FMN1: variants seen among roughly 807,000 people sequenced by gnomAD.
FMN1 encodes formin 1, also known as formin-1.
FMN1 carries 110 observed loss-of-function variants against 132.4 expected under a neutral mutation model. The ratio of observed to expected loss-of-function variants is 0.83; its 90% confidence interval spans 0.71 to 0.97. The LOEUF is 0.97. Among genes scored for constraint, FMN1 ranks in the 50% least tolerant of loss-of-function variants. FMN1 has a pLI of 0.00. For synonymous variants in FMN1, 722 were observed against 651.7 expected, an observed-to-expected ratio of 1.11 and a Z score of -1.64; for missense variants, 1,792 against 1,705.3, an observed-to-expected ratio of 1.05 and a Z score of -0.90.
chr15:33,165,674 A>G (rs1202835898), intron 3 of FMN1, among the ~76,000 whole-genome samples: 2 of 152,156 alleles, frequency 1.3e-5, no homozygotes, highest in Non-Finnish European at 2.9e-5. Context: ...TACAGGTGTG[A>G]GCCACCGCAC....
intron 9 of FMN1, among the ~76,000 whole-genome samples, chr15:32,949,940 CATAT>C (rs373896522): frequency 9.4e-5 from 3 of 31,856 alleles, no homozygotes; most frequent in Admixed American, 2.8e-4. Context: ...GGCCAAAAAG[CATAT>C]ATATATATAT....
rs1964555050 is a variant in FMN1 at position 33,153,856 on chromosome 15, C to T, written c.1059G>A (p.Thr353=). ...VVKTHSKGKE[T]IAIRPAAHAE... ...CGTGGGCTGCTGGGCGAATGGCAAT[C>T]GTCTCCTTACCCTTAGAATGCGTTT... The change falls in exon 4 of 21, where the codon ACG becomes ACA. Residue 353 remains threonine, a synonymous_variant. Transcript: ENST00000616417. 5.9e-6 allele frequency: 9 copies of T among 1,536,710 alleles called. No individual in the cohort carries two copies. The highest frequency in any genetic ancestry group is 4.9e-5 in the East Asian group (2 of 40,916).
At chr15:33,160,746 T>G (rs1021099223) in intron 3 of FMN1, among the ~76,000 whole-genome samples, 5 of 152,224 alleles carry the variant, frequency 3.3e-5, no homozygotes, top group Non-Finnish European at 7.3e-5. Flanking sequence ...TGACCTGCTC[T>G]GGTTATGTTC....
chr15:33,049,821 T>C (rs1351607613), intron 6 of FMN1, among the ~76,000 whole-genome samples: 1 of 152,234 alleles, frequency 6.6e-6, no homozygotes, highest in African/African-American at 2.4e-5. Flanking sequence ...ATGTTTTCTG[T>C]ACGTCACTTT....
At chr15:33,067,654 G>C (rs1272964475) in intron 5 of FMN1, 1 of 1,613,896 alleles carries the variant, frequency 6.2e-7, no homozygotes, top group East Asian at 2.2e-5. Flanking sequence ...GTGGATCCAA[G>C]CCATTGCTGG....
rs117469193 is a variant in FMN1 at position 32,810,383 on chromosome 15, G to C, written c.3929-6051C>G. 8.2e-3 allele frequency among the ~76,000 whole-genome samples: 1,255 copies of C among 152,292 alleles called. 7 individuals are homozygous for C. Among genetic ancestry groups the C allele is most frequent in the Non-Finnish European group, 0.013 (909 of 68,026 alleles). ...AGTAGAGTAGAACTGAAAAGCAAGA[G>C]ATTACTATGCCCATCCTATGTCCTG... is the stretch of plus-strand genomic sequence containing the variant. On this transcript the variant is annotated intron_variant, in intron 17 of 20. Coordinates refer to ENST00000616417, the MANE Select transcript of FMN1 (RefSeq NM_001277313.2).
At chr15:32,806,194 AG>A (rs2057674807) in intron 17 of FMN1, among the ~76,000 whole-genome samples, 2 of 152,220 alleles carry the variant, frequency 1.3e-5, no homozygotes, top group Non-Finnish European at 2.9e-5. Flanking sequence ...AACGAAAATA[AG>A]TAAGTCTCGT....
intron 19 of FMN1, among the ~76,000 whole-genome samples, chr15:32,779,003 TACATGCTACA>T (rs1239658811): frequency 6.6e-6 from 1 of 152,166 alleles, no homozygotes; most frequent in African/African-American, 2.4e-5. Flanking sequence ...AATTTGCTGA[TACATGCTACA>T]ACATGGATGT....
At chr15:33,028,498 T>C (rs1259029907) in intron 6 of FMN1, among the ~76,000 whole-genome samples, 2 of 148,990 alleles carry the variant, frequency 1.3e-5, no homozygotes, top group Non-Finnish European at 3.0e-5. Flanking sequence ...AAAAAACATA[T>C]AAAGAACTAC....
At chr15:33,104,078 C>G (rs1448452312) in intron 4 of FMN1, among the ~76,000 whole-genome samples, 2 of 152,034 alleles carry the variant, frequency 1.3e-5, no homozygotes, top group African/African-American at 4.8e-5. Context: ...AAATTGAGTT[C>G]ATCATATATT....
chr15:32,816,141 T>C (rs1425082718), intron 17 of FMN1, among the ~76,000 whole-genome samples: 1 of 152,248 alleles, frequency 6.6e-6, no homozygotes. Context: ...CTTGGGTTCC[T>C]GTGAAACTTC....
At chr15:32,957,444 T>C (rs898766596) in intron 9 of FMN1, among the ~76,000 whole-genome samples, 2 of 151,810 alleles carry the variant, frequency 1.3e-5, no homozygotes, top group African/African-American at 4.8e-5. Context: ...ATATGACATA[T>C]TGACAGGGGA....
intron 10 of FMN1, among the ~76,000 whole-genome samples, chr15:32,921,775 T>G (rs1441387840): frequency 1.3e-5 from 2 of 150,644 alleles, no homozygotes; most frequent in African/African-American, 2.4e-5. Flanking sequence ...GCTCAAGCAA[T>G]TCTCCCACCT....
At chr15:32,980,920 A>G (rs2032601552) in intron 7 of FMN1, among the ~76,000 whole-genome samples, 1 of 152,180 alleles carries the variant, frequency 6.6e-6, no homozygotes, top group Non-Finnish European at 1.5e-5. Context: ...AGGCTGATGC[A>G]TGGAAATTGC....
At chr15:32,962,079 T>C (rs2030626961) in intron 9 of FMN1, among the ~76,000 whole-genome samples, 1 of 152,062 alleles carries the variant, frequency 6.6e-6, no homozygotes, top group South Asian at 2.1e-4. Flanking sequence ...TTAGTGTTTG[T>C]TAATATAAGC....
At chr15:32,843,924 T>C (rs576985502) in intron 17 of FMN1, among the ~76,000 whole-genome samples, 2 of 152,316 alleles carry the variant, frequency 1.3e-5, no homozygotes, top group South Asian at 4.1e-4. Flanking sequence ...TTTATCTCTG[T>C]TTAAAACAGT....
chr15:32,960,427 G>C (rs372737022), intron 9 of FMN1, among the ~76,000 whole-genome samples: 4 of 152,088 alleles, frequency 2.6e-5, no homozygotes, highest in Admixed American at 1.3e-4. Flanking sequence ...CAATTTATTA[G>C]AAAAATTCAA....
intron 7 of FMN1, among the ~76,000 whole-genome samples, chr15:32,992,467 C>T (rs963475628): frequency 3.1e-4 from 47 of 152,178 alleles, no homozygotes; most frequent in African/African-American, 1.1e-3. Context: ...TCCCTCAGGA[C>T]TAACTGAAAA....
intron 17 of FMN1, among the ~76,000 whole-genome samples, chr15:32,834,191 T>G (rs896505): frequency 8.6e-5 from 13 of 151,948 alleles, no homozygotes; most frequent in Admixed American, 4.6e-4. Flanking sequence ...TCTGGTTCTT[T>G]GGAAAAAAAT....
Sources: gnomAD v4.1 joint callset for allele counts (sites outside exome capture counted in the v4.1 genomes callset) on GRCh38, gnomAD v4.1.1 for gene constraint, MANE v1.5 for transcripts, NCBI Gene and HGNC (gene_info 2026-07-23, HGNC 2026-07-21) for gene names.